Variants in EYS observed in about 807,000 individuals in gnomAD.
EYS encodes protein eyes shut homolog.
EYS carries 250 observed loss-of-function variants against 282.1 expected under a neutral mutation model. The observed-to-expected ratio is 0.89, with a 90% CI of 0.80 to 0.98. The LOEUF (loss-of-function observed/expected upper bound fraction) is 0.98, where lower values mean the gene tolerates loss of function less well. EYS is among the 50% of genes least tolerant of loss of function. The pLI, the probability that EYS is intolerant of heterozygous loss-of-function variation, is 0.00. For missense variants in EYS, 4,016 were observed against 3,709.0 expected (o/e 1.08, Z -2.15); for synonymous variants, 1,355 against 1,282.9 (o/e 1.06, Z -1.20).
chr6:65,312,695 G>A (rs1042425665), intron 11 of EYS, among the ~76,000 whole-genome samples: 9 of 152,168 alleles, frequency 5.9e-5, no homozygotes, highest in Non-Finnish European at 1.0e-4. Context: ...CCAACAACCT[G>A]ATTCATTTCA....
In EYS at chr6:65,550,143, C is replaced by CTTTCTTTTTTT. The variant is rs1562254227; in HGVS notation, c.-332-54151_-332-54150insAAAAAAAGAAA. Among the ~76,000 whole-genome samples, 14 of 5,956 alleles carry CTTTCTTTTTTT rather than the reference C, an allele frequency of 2.4e-3. 2 individuals are homozygous for CTTTCTTTTTTT. Among genetic ancestry groups the CTTTCTTTTTTT allele is most frequent in the South Asian group, 0.01 (1 of 98 alleles). 3.9% of individuals were successfully genotyped at this position (5,956 alleles called of 152,430 possible). A position where few individuals can be genotyped will look rare whatever the true frequency, so the allele number is the denominator to read the frequency against. ...AAGTTAGTATCTGACTCTACTATATCTTTTTTTTTTTTTTTTTTTTTTTTT... is the reference window on the plus strand; with the variant it reads ...AAGTTAGTATCTGACTCTACTATATCTTTCTTTTTTTTTTTTTTTTTTTTTTTTTTTTTTTT... On this transcript the variant is annotated intron_variant, in intron 2 of 42. Transcript: ENST00000503581.
chr6:64,203,437 C>T (rs926911628), intron 31 of EYS, among the ~76,000 whole-genome samples: 2 of 152,240 alleles, frequency 1.3e-5, no homozygotes, highest in East Asian at 3.9e-4. Flanking sequence ...GTAAGGGCAT[C>T]TGAGTGAGCC....
At chr6:65,284,843 C>T (rs1768316660) in intron 12 of EYS, among the ~76,000 whole-genome samples, 1 of 151,968 alleles carries the variant, frequency 6.6e-6, no homozygotes, top group Non-Finnish European at 1.5e-5. Context: ...AAGCAATAAG[C>T]TTAGATCATC....
chr6:64,927,064 C>A (rs1768541401), intron 15 of EYS, among the ~76,000 whole-genome samples: 1 of 152,068 alleles, frequency 6.6e-6, no homozygotes, highest in Non-Finnish European at 1.5e-5. Flanking sequence ...TATGGCTTTG[C>A]AATAGGTATA....
At chr6:65,423,469 T>A (rs10944797) in intron 5 of EYS, among the ~76,000 whole-genome samples, 41,523 of 151,742 alleles carry the variant, frequency 0.27, 5,872 homozygotes, top group Middle Eastern at 0.34. Flanking sequence ...AATCACAGGG[T>A]CAGCTTTTTA....
chr6:65,694,630 C>T (rs1225235126), intron 1 of EYS, among the ~76,000 whole-genome samples: 4 of 146,564 alleles, frequency 2.7e-5, no homozygotes, highest in African/African-American at 5.2e-5. Context: ...GCCTGCCTGA[C>T]TTGGAATCCC....
intron 12 of EYS, among the ~76,000 whole-genome samples, chr6:65,175,580 G>A (rs2150229904): frequency 6.6e-6 from 1 of 151,482 alleles, no homozygotes; most frequent in African/African-American, 2.4e-5. Context: ...GACCAGACAG[G>A]AAATTATTCA....
intron 41 of EYS, among the ~76,000 whole-genome samples, chr6:63,738,529 T>C (rs1768986356): frequency 7.2e-6 from 1 of 137,984 alleles, no homozygotes; most frequent in African/African-American, 2.7e-5. Flanking sequence ...TAGGTGGGGA[T>C]TGAACAATGA....
intron 26 of EYS, among the ~76,000 whole-genome samples, chr6:64,505,474 G>A (rs553625016): frequency 3.5e-4 from 54 of 152,264 alleles, no homozygotes; most frequent in African/African-American, 1.2e-3. Context: ...CTTAAAAGAT[G>A]CTCACAGCCA....
chr6:63,764,045 T>G (rs1052463164), intron 40 of EYS, among the ~76,000 whole-genome samples: 20 of 151,332 alleles, frequency 1.3e-4, no homozygotes, highest in Non-Finnish European at 2.8e-4. Flanking sequence ...TTCTTTCTTC[T>G]GAAAACACTA....
At chr6:64,180,910 T>C (rs1582390940) in intron 31 of EYS, among the ~76,000 whole-genome samples, 1 of 152,084 alleles carries the variant, frequency 6.6e-6, no homozygotes, top group East Asian at 1.9e-4. Context: ...ATTGCCCAGG[T>C]AGAGAGCACA....
intron 33 of EYS, among the ~76,000 whole-genome samples, chr6:64,027,731 A>C (rs528175286): frequency 2.6e-4 from 40 of 152,328 alleles, no homozygotes; most frequent in Admixed American, 9.2e-4. Context: ...TGTGCCGAGG[A>C]AATCACTGGA....
At chr6:64,034,884 A>G (rs959620189) in intron 33 of EYS, among the ~76,000 whole-genome samples, 4 of 152,200 alleles carry the variant, frequency 2.6e-5, no homozygotes, top group Non-Finnish European at 5.9e-5. Flanking sequence ...GAAATTATAT[A>G]TTTCTATTTT....
At chr6:64,160,746 C>T (rs770227798) in intron 31 of EYS, among the ~76,000 whole-genome samples, 47 of 152,284 alleles carry the variant, frequency 3.1e-4, no homozygotes, top group Admixed American at 3.3e-4. Context: ...TGATAGAATA[C>T]ATTTTTAAAA....
chr6:64,736,481 A>G (rs902567848), intron 22 of EYS, among the ~76,000 whole-genome samples: 1 of 152,138 alleles, frequency 6.6e-6, no homozygotes, highest in Non-Finnish European at 1.5e-5. Flanking sequence ...CACTAACTCT[A>G]TGACTCAGTG....
chr6:64,854,310 T>C (rs1765982154), intron 19 of EYS, among the ~76,000 whole-genome samples: 2 of 152,118 alleles, frequency 1.3e-5, no homozygotes, highest in East Asian at 3.9e-4. Flanking sequence ...TGTATGTTTA[T>C]TGCGGCACTA....
At chr6:65,084,096 C>T (rs921255724) in intron 12 of EYS, among the ~76,000 whole-genome samples, 1 of 151,934 alleles carries the variant, frequency 6.6e-6, no homozygotes, top group East Asian at 1.9e-4. Context: ...ACCCAAACGA[C>T]GTTCAAATTA....
chr6:64,610,808 T>C (rs1767090767), intron 24 of EYS, among the ~76,000 whole-genome samples: 1 of 152,202 alleles, frequency 6.6e-6, no homozygotes, highest in African/African-American at 2.4e-5. Flanking sequence ...ACATTTTTCA[T>C]TATACATTAT....
At chr6:65,020,449 G>T (rs1772214204) in intron 13 of EYS, among the ~76,000 whole-genome samples, 1 of 152,140 alleles carries the variant, frequency 6.6e-6, no homozygotes, top group Admixed American at 6.6e-5. Context: ...GGTCTCCTTT[G>T]CTCCATGTCT....
Sources: gnomAD v4.1 joint callset for allele counts (sites outside exome capture counted in the v4.1 genomes callset) on GRCh38, gnomAD v4.1.1 for gene constraint, MANE v1.5 for transcripts, NCBI Gene and HGNC (gene_info 2026-07-23, HGNC 2026-07-21) for gene names.